CLSTN3: variants seen among roughly 807,000 people sequenced by gnomAD.
CLSTN3 encodes the protein calsyntenin 3.
CLSTN3 carries 36 observed loss-of-function variants against 95.9 expected under a neutral mutation model. That is an observed-to-expected ratio of 0.38 (90% confidence interval 0.29 to 0.50). CLSTN3 has a LOEUF of 0.50. Ranked by LOEUF, CLSTN3 falls within the 20% of genes least tolerant of loss-of-function variation. The pLI, the probability that CLSTN3 is intolerant of heterozygous loss-of-function variation, is 0.95. For missense variants in CLSTN3, 1,084 were observed against 1,268.8 expected (o/e 0.85, Z 2.21); for synonymous variants, 481 against 504.0 (o/e 0.95, Z 0.61).
intron 12 of CLSTN3, among the ~76,000 whole-genome samples, chr12:7,144,232 CAAA>C (rs754358387): frequency 2.5e-3 from 177 of 69,658 alleles, no homozygotes; most frequent in Middle Eastern, 0.013. Context: ...GACTCCATCT[CAAA>C]AAAAAAAAAA....
chr12:7,148,877 G>T, intron 12 of CLSTN3, 95 bp from the exon 13 acceptor site: 1 of 1,025,286 alleles, frequency 9.8e-7, no homozygotes. Context: ...GATGCTCTAT[G>T]ATAGAGGTAG....
intron 12 of CLSTN3, among the ~76,000 whole-genome samples, chr12:7,148,025 T>C (rs978225311): frequency 6.6e-6 from 1 of 151,970 alleles, no homozygotes; most frequent in Non-Finnish European, 1.5e-5. Context: ...TGTGGTGGCA[T>C]GCGCCCTATA....
rs1224503000 is a variant in CLSTN3, at chr12:7,158,110, G to T, written c.*29G>T. The T allele has an allele frequency of 3.4e-6, 5 of 1,479,366 alleles. No homozygotes were observed. The highest frequency in any genetic ancestry group is 3.6e-6 in the Non-Finnish European group (4 of 1,106,178). 91.6% of individuals were successfully genotyped at this position (1,479,366 alleles called of 1,614,324 possible). A position where few individuals can be genotyped will look rare whatever the true frequency, so the allele number is the denominator to read the frequency against. On this transcript the variant is annotated 3_prime_UTR_variant, in exon 18 of 18. Coordinates refer to ENST00000266546, the MANE Select transcript of CLSTN3 (RefSeq NM_014718.4). ...CTACACCTCTCCCCACGCAGAGGGG[G>T]AATTCTGCCCTGGTGAAACAGACAC...
At position 7,136,864 on chromosome 12, in the gene CLSTN3, C is replaced by G; in HGVS notation, c.964C>G (p.Pro322Ala). 6.2e-7 allele frequency: 1 copy of G among 1,614,130 alleles called. No individual in the cohort carries two copies. Among genetic ancestry groups the G allele is most frequent in the Non-Finnish European group, 8.5e-7 (1 of 1,180,008 alleles). Residue 322 changes from proline to alanine, a missense_variant, in exon 7 of 18, where the codon CCT becomes GCT. Physicochemically the swap from Pro to Ala is conservative, Grantham distance 27. Coordinates refer to ENST00000266546, the MANE Select transcript of CLSTN3 (RefSeq NM_014718.4). The stretch of plus-strand genomic sequence containing the variant: ...TGGGGAGGTGGATCTGTTGCCCATG[C>G]CTGGCCCCAATGCCAACTGGACAGC... ...ATGEVDLLPM[P>A]GPNANWTAGL...
In CLSTN3 at chr12:7,143,353, A is replaced by G. The variant is rs140926372; in HGVS notation, c.1847+42A>G. ...GCAGGGCAAATCACCAAGCAGAGCC[A>G]GACAGTGTCACAGCTCCTTGGCCTA... On this transcript the variant is annotated intron_variant, in intron 12 of 17. Transcript: ENST00000266546. 55 of 1,581,682 alleles carry G rather than the reference A, an allele frequency of 3.5e-5. No individual in the cohort carries two copies. The East Asian group carries it at 1.2e-3, about 34-fold the overall frequency.
chr12:7,153,634 A>C (rs1198414577), intron 16 of CLSTN3, among the ~76,000 whole-genome samples: 4 of 152,150 alleles, frequency 2.6e-5, no homozygotes, highest in African/African-American at 9.7e-5. Context: ...GCCAGCTATA[A>C]ATTTTTTTCC....
At position 7,150,937 on chromosome 12, in the gene CLSTN3, C is replaced by A; in HGVS notation, c.2401C>A (p.Leu801Met). The A allele has an allele frequency of 6.2e-7, 1 of 1,605,516 alleles. No individual in the cohort carries two copies. Among genetic ancestry groups the A allele is most frequent in the Non-Finnish European group, 8.5e-7 (1 of 1,174,906 alleles). ...CCCTCCCTCTGCCCAGGTCAATGTC[C>A]TGCACAGCATGAACCGGGTTGCCCA... ...SNEFIVEVNV[L>M]HSMNRVAHPS... The change falls in exon 16 of 18, where the codon CTG becomes ATG. Residue 801 changes from leucine (L) to methionine (M), a missense_variant. Transcript: ENST00000266546. This position sits in a 1 kb window ranked among gnomAD's most constrained non-coding sequence, Gnocchi z 4.0.
intron 12 of CLSTN3, among the ~76,000 whole-genome samples, chr12:7,148,474 A>G (rs1053162079): frequency 2.6e-5 from 4 of 152,194 alleles, no homozygotes; most frequent in African/African-American, 7.2e-5. Flanking sequence ...ATTGAAGGGA[A>G]TGAAAGACAC....
Position 7,137,367 on chromosome 12 carries a change from C to T in CLSTN3, c.1210+257C>T, listed in dbSNP as rs1336251310. The T allele has an allele frequency of 8.2e-6, 4 of 490,620 alleles. No individual in the cohort carries two copies. Among genetic ancestry groups the T allele is most frequent in the Middle Eastern group, 5.5e-4 (1 of 1,828 alleles). 30.4% of individuals were successfully genotyped at this position (490,620 alleles called of 1,614,324 possible). A position where few individuals can be genotyped will look rare whatever the true frequency, so the allele number is the denominator to read the frequency against. On this transcript the variant is annotated intron_variant, in intron 7 of 17. Transcript: ENST00000266546. This position sits in a 1 kb window ranked among gnomAD's most constrained non-coding sequence, Gnocchi z 4.4. Reference sequence around the variant, plus strand: ...GCCCAGTCAACTTCTCTGTGTCCCACCATGTGGTAGGCTGTCCCCACCCCC... The same window carrying T: ...GCCCAGTCAACTTCTCTGTGTCCCATCATGTGGTAGGCTGTCCCCACCCCC...
At chr12:7,155,729 T>G (rs1939803844) in intron 16 of CLSTN3, among the ~76,000 whole-genome samples, 1 of 152,184 alleles carries the variant, frequency 6.6e-6, no homozygotes, top group African/African-American at 2.4e-5. Flanking sequence ...TTGGAACCAG[T>G]GTCGAGGGAG....
intron 12 of CLSTN3, among the ~76,000 whole-genome samples, chr12:7,147,793 G>T (rs546467424): frequency 6.6e-6 from 1 of 152,238 alleles, no homozygotes; most frequent in African/African-American, 2.4e-5. Context: ...AGGATTTACA[G>T]GCATGAGCCA....
rs1286008691 is a variant in CLSTN3, at chr12:7,133,143, G to A, written c.184G>A (p.Ala62Thr). The change falls in exon 2 of 18, where the codon GCA becomes ACA. Residue 62 changes from alanine to threonine, a missense_variant. By Grantham distance (58) the Ala-to-Thr change is moderately conservative (BLOSUM62 0). Transcript: ENST00000266546. This position sits in a 1 kb window ranked among gnomAD's most constrained non-coding sequence, Gnocchi z 4.7. ...ALDKDAPLRY[A>T]GEICGFRLHG... Reference sequence around the variant, plus strand: ...GGACAAGGATGCCCCGCTGCGCTATGCAGGTAATTGGGATTGGGGGATGGC... The same window carrying A: ...GGACAAGGATGCCCCGCTGCGCTATACAGGTAATTGGGATTGGGGGATGGC... 6.2e-7 allele frequency: 1 copy of A among 1,614,076 alleles called. No individual in the cohort carries two copies. Among genetic ancestry groups the A allele is most frequent in the Non-Finnish European group, 8.5e-7 (1 of 1,179,994 alleles).
chr12:7,135,405 G>A lies in CLSTN3; in HGVS notation c.462G>A (p.Val154=), dbSNP rs764679503. The stretch of plus-strand genomic sequence containing the variant: ...TGGAACGGCTGTATCGTGCGGCTGT[G>A]ACAGAGGGGAAGCTGTACGATCGCA... ...VFVERLYRAA[V]TEGKLYDRIL... The change falls in exon 4 of 18, where the codon GTG becomes GTA. Residue 154 remains valine, a synonymous_variant. Coordinates refer to ENST00000266546, the MANE Select transcript of CLSTN3 (RefSeq NM_014718.4). 6.2e-7 allele frequency: 1 copy of A among 1,614,168 alleles called. No individual in the cohort carries two copies. Among genetic ancestry groups the A allele is most frequent in the African/African-American group, 1.3e-5 (1 of 75,034 alleles).
intron 16 of CLSTN3, chr12:7,156,704 G>C: frequency 2.2e-6 from 1 of 456,844 alleles, no homozygotes. Flanking sequence ...CAGCTCTAAG[G>C]TCCGTGTGAG....
Position 7,157,860 on chromosome 12 carries a change from G to T in CLSTN3, c.2731-81G>T. The T allele has an allele frequency of 6.5e-7, 1 of 1,529,242 alleles. No individual in the cohort carries two copies. The highest frequency in any genetic ancestry group is 1.2e-5 in the South Asian group (1 of 83,174). The allele number at this position is 1,529,242 out of a possible 1,614,324, so 94.7% of individuals were successfully genotyped here. The stretch of plus-strand genomic sequence containing the variant: ...GGGGTACACAGGGGTTAAGGGGACC[G>T]AGGGAAGTGTGGTCCCTGAAAGAGA... On this transcript the variant is annotated intron_variant, in intron 17 of 17. Coordinates refer to ENST00000266546, the MANE Select transcript of CLSTN3 (RefSeq NM_014718.4). The surrounding 1 kb of genome is among the most constrained non-coding windows in gnomAD (Gnocchi z 5.9).
At chr12:7,132,001 A>C (rs185072048) in intron 1 of CLSTN3, among the ~76,000 whole-genome samples, 2 of 152,076 alleles carry the variant, frequency 1.3e-5, no homozygotes, top group African/African-American at 4.8e-5. Context: ...GGGTGTTGGC[A>C]TGATGATGGG....
intron 16 of CLSTN3, chr12:7,156,701 A>G (rs768565171): frequency 6.6e-6 from 3 of 456,808 alleles, no homozygotes; most frequent in Middle Eastern, 3.3e-4. Context: ...CATCAGCTCT[A>G]AGGTCCGTGT....
rs376026535 is a variant in CLSTN3, at chr12:7,137,129, C to T, written c.1210+19C>T. On this transcript the variant is annotated intron_variant, in intron 7 of 17. Transcript: ENST00000266546. The surrounding 1 kb of genome is among the most constrained non-coding windows in gnomAD (Gnocchi z 4.4). ...CAGAATGGTGAGCCTCCCCTCCAGG[C>T]ACTAGCCAGAGGGGGAAACTGGCTT... 4.4e-6 allele frequency: 7 copies of T among 1,587,070 alleles called. No individual in the cohort carries two copies. Among genetic ancestry groups the T allele is most frequent in the Non-Finnish European group, 6.0e-6 (7 of 1,165,736 alleles).
At chr12:7,144,937 C>T (rs1033054540) in intron 12 of CLSTN3, among the ~76,000 whole-genome samples, 3 of 152,122 alleles carry the variant, frequency 2.0e-5, no homozygotes, top group Non-Finnish European at 4.4e-5. Context: ...GAGTATGCAC[C>T]CCGCCATGTC....
Sources: gnomAD v4.1 joint callset for allele counts (sites outside exome capture counted in the v4.1 genomes callset) on GRCh38, gnomAD v4.1.1 for gene constraint, Gnocchi (gnomAD v3.1) non-coding constraint, MANE v1.5 for transcripts, NCBI Gene and HGNC (gene_info 2026-07-23, HGNC 2026-07-21) for gene names.